The following FNDC3A variants were observed in gnomAD, a reference collection of about 807,000 sequenced individuals.
FNDC3A encodes fibronectin type III domain containing 3A.
FNDC3A carries 32 observed loss-of-function variants against 148.9 expected under a neutral mutation model. That is an observed-to-expected ratio of 0.21 (90% CI 0.16 to 0.29). FNDC3A has a LOEUF of 0.29. Among genes scored for constraint, FNDC3A ranks in the 10% least tolerant of loss-of-function variants. The probability of loss-of-function intolerance (pLI) is 1.00; values close to 1 mark genes in which losing one functional copy is unlikely to be tolerated. For synonymous variants in FNDC3A, 472 were observed against 473.6 expected (o/e 1.00, Z 0.04); for missense variants, 1,191 against 1,452.8 (o/e 0.82, Z 2.93).
rs576555316 is a variant in FNDC3A, at chr13:49,083,353, A to G, written c.175+7989A>G. On this transcript the variant is annotated intron_variant, in intron 3 of 25. Coordinates refer to ENST00000492622, the MANE Select transcript of FNDC3A (RefSeq NM_001079673.2). ...ACAACTTTATGAATAGAACTTGCTT[A>G]TTTTAGCGGAACTAGAACTAAATAT... Among the ~76,000 whole-genome samples, 8 of 152,360 alleles carry G rather than the reference A, an allele frequency of 5.3e-5. No homozygotes were observed. In the South Asian group the frequency reaches 1.7e-3, roughly 32 times the overall value.
rs568170711 is a variant in FNDC3A at position 49,081,290 on chromosome 13, A to G, written c.175+5926A>G. On this transcript the variant is annotated intron_variant, in intron 3 of 25. Transcript: ENST00000492622. ...TACATGTAAGAGAGAAAATTATGAAAAGCAAAAAATACACAGACGAGCTAT... is the reference window on the plus strand; with the variant it reads ...TACATGTAAGAGAGAAAATTATGAAGAGCAAAAAATACACAGACGAGCTAT... Among the ~76,000 whole-genome samples the G allele has an allele frequency of 2.6e-5, 4 of 152,324 alleles. No homozygotes were observed. The South Asian group carries it at 8.3e-4, about 32-fold the overall frequency.
intron 2 of FNDC3A, among the ~76,000 whole-genome samples, chr13:49,035,234 G>C (rs762054168): frequency 3.9e-5 from 6 of 152,054 alleles, no homozygotes; most frequent in Admixed American, 1.3e-4. Flanking sequence ...ACACTTTTTA[G>C]TAGGATTGGT....
intron 2 of FNDC3A, among the ~76,000 whole-genome samples, chr13:49,013,515 T>C (rs1460625261): frequency 1.3e-5 from 2 of 151,834 alleles, no homozygotes; most frequent in African/African-American, 4.8e-5. Flanking sequence ...TATACATATG[T>C]ACACGTGTAT....
At chr13:48,986,660 T>A (rs1407668857) in intron 1 of FNDC3A, among the ~76,000 whole-genome samples, 1 of 152,052 alleles carries the variant, frequency 6.6e-6, no homozygotes, top group Non-Finnish European at 1.5e-5. Flanking sequence ...TCTCCCAAAG[T>A]GCTGGGATTA....
intron 4 of FNDC3A, among the ~76,000 whole-genome samples, chr13:49,127,669 A>G (rs963456837): frequency 6.6e-6 from 1 of 152,146 alleles, no homozygotes; most frequent in Non-Finnish European, 1.5e-5. Flanking sequence ...AGACTAGTAT[A>G]TCTTAACAGT....
intron 2 of FNDC3A, among the ~76,000 whole-genome samples, chr13:49,062,952 G>A (rs1001724672): frequency 6.6e-6 from 1 of 152,068 alleles, no homozygotes; most frequent in African/African-American, 2.4e-5. Context: ...CTTAAAATAG[G>A]TCTGTTTATC....
At chr13:49,057,224 C>G (rs533091935) in intron 2 of FNDC3A, among the ~76,000 whole-genome samples, 1 of 152,130 alleles carries the variant, frequency 6.6e-6, no homozygotes, top group Non-Finnish European at 1.5e-5. Context: ...GACTTTTGCC[C>G]AGGCTATGAT....
intron 2 of FNDC3A, among the ~76,000 whole-genome samples, chr13:49,067,685 C>A (rs1877357692): frequency 6.6e-6 from 1 of 152,138 alleles, no homozygotes; most frequent in South Asian, 2.1e-4. Context: ...TTTCGTCTGT[C>A]CTAATAGTTC....
chr13:49,198,018 G>A lies in FNDC3A; in HGVS notation c.2527G>A (p.Val843Ile). 1 of 1,614,152 alleles carries A rather than the reference G, an allele frequency of 6.2e-7. No individual in the cohort carries two copies. The highest frequency in any genetic ancestry group is 1.1e-5 in the South Asian group (1 of 91,082). Reference protein sequence around the residue: ...SVVGAGPFSEVVACVTPPSVP... With the variant: ...SVVGAGPFSEIVACVTPPSVP... ...TGTGGGTGCAGGCCCTTTCAGTGAA[G>A]TAGTAGCCTGTGTGACTCCACCATC... Residue 843 changes from valine (V) to isoleucine (I), a missense_variant, in exon 22 of 26, where the codon GTA becomes ATA. Coordinates refer to ENST00000492622, the MANE Select transcript of FNDC3A (RefSeq NM_001079673.2).
At chr13:49,173,334 A>T (rs1884860917) in intron 11 of FNDC3A, among the ~76,000 whole-genome samples, 1 of 152,260 alleles carries the variant, frequency 6.6e-6, no homozygotes, top group Non-Finnish European at 1.5e-5. Flanking sequence ...GAATTAGGAA[A>T]CCTATTAACA....
At chr13:49,122,925 A>C (rs1395759167) in intron 4 of FNDC3A, among the ~76,000 whole-genome samples, 1 of 152,246 alleles carries the variant, frequency 6.6e-6, no homozygotes, top group East Asian at 1.9e-4. Flanking sequence ...CATACTGCCC[A>C]AAGTAATTTA....
intron 2 of FNDC3A, among the ~76,000 whole-genome samples, chr13:49,056,999 G>A (rs35915720): frequency 6.6e-6 from 1 of 152,128 alleles, no homozygotes; most frequent in Non-Finnish European, 1.5e-5. Flanking sequence ...TTCATTTCAT[G>A]TGATCTTTTT....
chr13:49,063,194 A>G (rs1188838403), intron 2 of FNDC3A, among the ~76,000 whole-genome samples: 5 of 152,222 alleles, frequency 3.3e-5, no homozygotes, highest in African/African-American at 1.2e-4. Flanking sequence ...TAGAGATGAC[A>G]TTTTGGCAAT....
chr13:49,130,692 TTTAA>T (rs1881975637), intron 4 of FNDC3A, among the ~76,000 whole-genome samples: 1 of 152,226 alleles, frequency 6.6e-6, no homozygotes, highest in African/African-American at 2.4e-5. Context: ...TACCAATATA[TTTAA>T]TAAGTTGTTT....
intron 2 of FNDC3A, among the ~76,000 whole-genome samples, chr13:49,061,089 AAAAATT>A (rs1315120692): frequency 1.3e-5 from 2 of 152,082 alleles, no homozygotes; most frequent in East Asian, 1.9e-4. Context: ...GAGACTAAAA[AAAAATT>A]AAAATTGAAA....
At chr13:49,126,801 T>C (rs891825130) in intron 4 of FNDC3A, among the ~76,000 whole-genome samples, 2 of 152,240 alleles carry the variant, frequency 1.3e-5, no homozygotes, top group Admixed American at 1.3e-4. Context: ...ATAGTTCATA[T>C]ATGTTCCTTG....
intron 4 of FNDC3A, among the ~76,000 whole-genome samples, chr13:49,128,365 A>G (rs1353661408): frequency 2.6e-5 from 4 of 152,290 alleles, no homozygotes; most frequent in Middle Eastern, 3.4e-3. Context: ...CCTGTCAAAT[A>G]TAAGGTTACA....
At chr13:49,062,386 G>C (rs569272224) in intron 2 of FNDC3A, among the ~76,000 whole-genome samples, 43 of 152,286 alleles carry the variant, frequency 2.8e-4, no homozygotes, top group African/African-American at 1.0e-3. Context: ...GTTGCCTGAA[G>C]GTTAACAGTT....
intron 11 of FNDC3A, among the ~76,000 whole-genome samples, chr13:49,174,128 G>A: frequency 6.6e-6 from 1 of 152,108 alleles, no homozygotes; most frequent in South Asian, 2.1e-4. Context: ...TCTACCACTG[G>A]TAGTCTTCTA....
Sources: allele counts gnomAD v4.1 joint callset (sites outside exome capture counted in the v4.1 genomes callset), GRCh38; gene constraint gnomAD v4.1.1; transcripts MANE v1.5; gene names NCBI Gene and HGNC (gene_info 2026-07-23, HGNC 2026-07-21).